Variants in PCDHA10 observed in about 807,000 individuals in gnomAD.
The protein encoded by PCDHA10 is protocadherin alpha-10.
PCDHA10 carries 45 observed loss-of-function variants against 61.2 expected under a neutral mutation model. That is an observed-to-expected ratio of 0.74 (90% CI 0.58 to 0.94). PCDHA10 has a LOEUF of 0.94. Among genes scored for constraint, PCDHA10 ranks in the 40% least tolerant of loss-of-function variants. PCDHA10 has a pLI of 0.00. For missense variants in PCDHA10, 1,278 were observed against 1,236.2 expected (o/e 1.03, Z -0.51); for synonymous variants, 602 against 548.8 (o/e 1.10, Z -1.35).
intron 1 of PCDHA10, among the ~76,000 whole-genome samples, chr5:140,895,800 T>C (rs1352398048): frequency 6.6e-6 from 1 of 152,182 alleles, no homozygotes; most frequent in Non-Finnish European, 1.5e-5. Context: ...ATATGTACAA[T>C]ACTGTATTGT....
At chr5:140,983,170 G>A (rs1046143831) in intron 3 of PCDHA10, among the ~76,000 whole-genome samples, 1 of 152,136 alleles carries the variant, frequency 6.6e-6, no homozygotes, top group Non-Finnish European at 1.5e-5. Context: ...AAACATGACC[G>A]CCTCACAATT....
At chr5:140,927,258 T>C in intron 1 of PCDHA10, 1 of 1,613,878 alleles carries the variant, frequency 6.2e-7, no homozygotes, top group Non-Finnish European at 8.5e-7. Context: ...ACAACTCACC[T>C]CTCTTTCCTG....
intron 1 of PCDHA10, among the ~76,000 whole-genome samples, chr5:140,925,578 A>G (rs1378824182): frequency 6.6e-6 from 1 of 151,838 alleles, no homozygotes; most frequent in African/African-American, 2.4e-5. Flanking sequence ...GCACACCAAC[A>G]TGGCGCATGT....
chr5:140,876,651 T>TC, intron 1 of PCDHA10: 1 of 1,614,178 alleles, frequency 6.2e-7, no homozygotes, highest in South Asian at 1.1e-5. Context: ...CACCTCATGT[T>TC]CCCTTCAAGC....
At chr5:140,974,712 G>C (rs999445044) in intron 1 of PCDHA10, among the ~76,000 whole-genome samples, 1 of 152,076 alleles carries the variant, frequency 6.6e-6, no homozygotes, top group African/African-American at 2.4e-5. Flanking sequence ...TGTTGTTCAA[G>C]CTGCTCTCGA....
At chr5:140,871,466 A>T in intron 1 of PCDHA10, 1 of 1,603,050 alleles carries the variant, frequency 6.2e-7, no homozygotes. Flanking sequence ...GGGGAAAGAC[A>T]GGAGCCAGGG....
At chr5:140,966,448 C>T (rs1198594007) in intron 1 of PCDHA10, 2 of 425,466 alleles carry the variant, frequency 4.7e-6, no homozygotes, top group Non-Finnish European at 8.2e-6. Context: ...TCCCTTTCCC[C>T]CTCCCCCTCT....
At chr5:140,928,942 T>G in intron 1 of PCDHA10, 1 of 1,614,062 alleles carries the variant, frequency 6.2e-7, no homozygotes, top group Non-Finnish European at 8.5e-7. Flanking sequence ...GAACTTGTAT[T>G]TAGTAATTGC....
intron 3 of PCDHA10, among the ~76,000 whole-genome samples, chr5:141,005,530 C>T (rs920110529): frequency 1.3e-5 from 2 of 151,002 alleles, no homozygotes; most frequent in Non-Finnish European, 3.0e-5. Context: ...GGTGAAACCC[C>T]GTCTCTACTA....
chr5:140,921,251 AG>A (rs2080121821), intron 1 of PCDHA10, among the ~76,000 whole-genome samples: 1 of 152,192 alleles, frequency 6.6e-6, no homozygotes. Context: ...CAGATCAAAA[AG>A]TCCTAGACTT....
intron 1 of PCDHA10, among the ~76,000 whole-genome samples, chr5:140,949,473 G>A (rs2094384488): frequency 6.6e-6 from 1 of 151,492 alleles, no homozygotes; most frequent in South Asian, 2.1e-4. Flanking sequence ...CCTGTTATTA[G>A]GCACACACAT....
At chr5:140,862,318 A>C (rs2153223303) in intron 1 of PCDHA10, 1 of 317,904 alleles carries the variant, frequency 3.1e-6, no homozygotes, top group African/African-American at 2.2e-5. Context: ...TCATAGCCCT[A>C]ATCAGTGTAA....
intron 1 of PCDHA10, among the ~76,000 whole-genome samples, chr5:140,938,453 G>A (rs558258483): frequency 6.6e-6 from 1 of 151,990 alleles, no homozygotes; most frequent in African/African-American, 2.4e-5. Context: ...AGTTCCCTTT[G>A]TTTTTTAATT....
chr5:140,857,235 T>C lies in PCDHA10; in HGVS notation c.1187T>C (p.Leu396Pro). ...CSLTPHVPFKLVSTYKNYYSL... is the reference protein window; with the variant it reads ...CSLTPHVPFKPVSTYKNYYSL... ...CTGACGCCTCACGTTCCGTTCAAGC[T>C]GGTGTCCACCTACAAGAATTACTAC... The change falls in exon 1 of 4, where the codon CTG (leucine) becomes CCG (proline). Residue 396 changes from leucine to proline, a missense_variant. Leu to Pro is a moderately conservative substitution (Grantham distance 98, BLOSUM62 -3). Coordinates refer to ENST00000307360, the MANE Select transcript of PCDHA10 (RefSeq NM_018901.4). 1 of 1,598,634 alleles carries C rather than the reference T, an allele frequency of 6.3e-7. No individual in the cohort carries two copies. Among genetic ancestry groups the C allele is most frequent in the Non-Finnish European group, 8.6e-7 (1 of 1,167,978 alleles).
chr5:140,899,619 A>G (rs2067442008), intron 1 of PCDHA10, among the ~76,000 whole-genome samples: 2 of 152,136 alleles, frequency 1.3e-5, no homozygotes, highest in Admixed American at 1.3e-4. Context: ...AATGTTCATC[A>G]AGGATATTGG....
intron 1 of PCDHA10, among the ~76,000 whole-genome samples, chr5:140,954,291 T>C (rs1309677058): frequency 6.6e-6 from 1 of 152,230 alleles, no homozygotes; most frequent in African/African-American, 2.4e-5. Context: ...TTCCTTTGGG[T>C]ACATACCCAG....
chr5:141,002,099 GC>G (rs1399073427), intron 3 of PCDHA10, among the ~76,000 whole-genome samples: 9 of 152,362 alleles, frequency 5.9e-5, no homozygotes, highest in Non-Finnish European at 1.2e-4. Flanking sequence ...CAGGGGCTGG[GC>G]CGGAAACGGC....
chr5:140,990,671 C>T (rs2097406151), intron 3 of PCDHA10, among the ~76,000 whole-genome samples: 2 of 152,176 alleles, frequency 1.3e-5, no homozygotes, highest in South Asian at 4.1e-4. Flanking sequence ...ATTAGATGCA[C>T]ACCAAGCTGC....
chr5:140,870,793 C>T, intron 1 of PCDHA10: 2 of 1,613,678 alleles, frequency 1.2e-6, no homozygotes, highest in Non-Finnish European at 1.7e-6. Context: ...CGCGCCGGCA[C>T]TGCTGGCGAC....
Sources: gnomAD v4.1 joint callset for allele counts (sites outside exome capture counted in the v4.1 genomes callset) on GRCh38, gnomAD v4.1.1 for gene constraint, MANE v1.5 for transcripts, NCBI Gene and HGNC (gene_info 2026-07-23, HGNC 2026-07-21) for gene names.